The following PER3 variants were observed in gnomAD, a reference collection of about 807,000 sequenced individuals.
The protein encoded by PER3 is period circadian protein homolog 3.
PER3 carries 107 observed loss-of-function variants against 127.2 expected under a neutral mutation model. The ratio of observed to expected loss-of-function variants is 0.84; its 90% CI spans 0.72 to 0.99. The LOEUF (loss-of-function observed/expected upper bound fraction) is 0.99. PER3 is among the 50% of genes least tolerant of loss of function. The pLI is 0.00. For missense variants in PER3, 1,560 were observed against 1,525.8 expected (o/e 1.02, Z -0.37); for synonymous variants, 618 against 585.8 (o/e 1.05, Z -0.79).
rs140055805 is a variant in PER3, at chr1:7,809,922, C to T, written c.1272C>T (p.Tyr424=). The T allele has an allele frequency of 9.9e-6, 16 of 1,613,972 alleles. No individual in the cohort carries two copies. The Middle Eastern group carries it at 6.6e-4, about 67-fold the overall frequency. ...QPVHVSVSSG[Y]GSLGSSGSQE... The stretch of plus-strand genomic sequence containing the variant: ...TTCACGTGAGCGTGTCCAGCGGCTA[C>T]GGGAGCCTGGGGAGCAGCGGGTCGC... Residue 424 remains tyrosine, a synonymous_variant, in exon 12 of 22, where the codon TAC becomes TAT. Coordinates refer to ENST00000377532, the MANE Select transcript of PER3 (RefSeq NM_001377275.1).
chr1:7,788,215 G>C lies in PER3; in HGVS notation c.561G>C (p.Gln187His). 6.2e-7 allele frequency: 1 copy of C among 1,614,042 alleles called. No individual in the cohort carries two copies. The highest frequency in any genetic ancestry group is 8.5e-7 in the Non-Finnish European group (1 of 1,179,928). Residue 187 changes from glutamine to histidine, a missense_variant, in exon 5 of 22, where the codon CAG (glutamine) becomes CAC (histidine). Gln to His is a conservative substitution (Grantham distance 24, BLOSUM62 0). Coordinates refer to ENST00000377532, the MANE Select transcript of PER3 (RefSeq NM_001377275.1). The part of the protein sequence containing the change: ...RVFYAHTARA[Q>H]LPFWNNWTQR... ...TCTACGCGCACACTGCCAGAGCTCA[G>C]CTTCCTTTCTGGAACAACTGGACCC...
At chr1:7,805,893 TA>T (rs35060725) in intron 10 of PER3, among the ~76,000 whole-genome samples, 1 of 152,190 alleles carries the variant, frequency 6.6e-6, no homozygotes, top group African/African-American at 2.4e-5. Context: ...TTCAGTATTT[TA>T]AAAAATTACA....
intron 19 of PER3, among the ~76,000 whole-genome samples, chr1:7,830,943 T>C (rs2097328781): frequency 6.6e-6 from 1 of 152,248 alleles, no homozygotes; most frequent in Non-Finnish European, 1.5e-5. Flanking sequence ...AAAATGATTT[T>C]GAATATTCTA....
chr1:7,820,186 C>T lies in PER3; in HGVS notation c.1730C>T (p.Ser577Phe). The change falls in exon 15 of 22, where the codon TCC (serine) becomes TTC (phenylalanine). Residue 577 changes from serine (S) to phenylalanine (F), a missense_variant. Transcript: ENST00000377532. ...TCCTGTACAAATACAACTTCTTCCT[C>T]CTCAGAAGAAGACAAACAGAACCAC... ...CISCTNTTSS[S>F]SEEDKQNHKA... 6.2e-7 allele frequency: 1 copy of T among 1,612,254 alleles called. No individual in the cohort carries two copies. The highest frequency in any genetic ancestry group is 8.5e-7 in the Non-Finnish European group (1 of 1,178,306).
At chr1:7,795,900 C>G (rs927887558) in intron 6 of PER3, among the ~76,000 whole-genome samples, 1 of 152,214 alleles carries the variant, frequency 6.6e-6, no homozygotes, top group East Asian at 1.9e-4. Flanking sequence ...TTCTTTAACC[C>G]CCTCTTCCCA....
At chr1:7,785,071 G>T in intron 2 of PER3, 66 bp downstream of exon 2, 1 of 1,509,108 alleles carries the variant, frequency 6.6e-7, no homozygotes, top group East Asian at 2.5e-5. Flanking sequence ...CAGGGAAAGG[G>T]GGACCTAAAT....
chr1:7,838,285 A>G (rs1247496902), intron 21 of PER3, among the ~76,000 whole-genome samples: 2 of 152,172 alleles, frequency 1.3e-5, no homozygotes, highest in Admixed American at 6.5e-5. Context: ...CACATTATGC[A>G]ACCATCACCA....
rs768315671 is a variant in PER3 at position 7,827,212 on chromosome 1, G to C, written c.2283G>C (p.Ser761=). The change falls in exon 18 of 22, where the codon TCG becomes TCC. Residue 761 remains serine, a synonymous_variant. Coordinates refer to ENST00000377532, the MANE Select transcript of PER3 (RefSeq NM_001377275.1). ...KLPEPPDSSS[S]NTGSGPRRGA... ...CGGAGCCGCCAGACAGCAGCAGCTC[G>C]AACACCGGCTCTGGTCCCCGCAGGG... is the stretch of plus-strand genomic sequence containing the variant. 2 of 1,613,768 alleles carry C rather than the reference G, an allele frequency of 1.2e-6. No homozygotes were observed. The highest frequency in any genetic ancestry group is 2.7e-5 in the African/African-American group (2 of 74,934).
intron 19 of PER3, among the ~76,000 whole-genome samples, chr1:7,835,346 CAG>C (rs1300159460): frequency 6.6e-6 from 1 of 152,088 alleles, no homozygotes; most frequent in Non-Finnish European, 1.5e-5. Flanking sequence ...TATGAAAAGT[CAG>C]AGGGAAAAAG....
chr1:7,785,686 G>C lies in PER3; in HGVS notation c.274+100G>C, dbSNP rs147606938. On this transcript the variant is annotated intron_variant, in intron 3 of 21. Transcript: ENST00000377532. ...GGGGTCTCAGTCAGACAAATAATTTGAGCTTTTTCTGGTGCTTTGTGGAAG... is the reference window on the plus strand; with the variant it reads ...GGGGTCTCAGTCAGACAAATAATTTCAGCTTTTTCTGGTGCTTTGTGGAAG... 1,177 of 993,558 alleles carry C rather than the reference G, an allele frequency of 1.2e-3. 10 individuals carry two copies. In the African/African-American group the frequency reaches 0.017, roughly 15 times the overall value. The allele number at this position is 993,558 out of a possible 1,614,324, so 61.5% of individuals were successfully genotyped here. A position where few individuals can be genotyped will look rare whatever the true frequency, so the allele number is the denominator to read the frequency against.
chr1:7,795,509 G>A (rs1450924938), intron 6 of PER3, among the ~76,000 whole-genome samples: 2 of 152,192 alleles, frequency 1.3e-5, no homozygotes, highest in African/African-American at 2.4e-5. Context: ...CAGGGGGTGA[G>A]CCACACCGGT....
At chr1:7,823,595 T>C (rs1485286784) in intron 16 of PER3, among the ~76,000 whole-genome samples, 5 of 151,718 alleles carry the variant, frequency 3.3e-5, no homozygotes, top group African/African-American at 1.2e-4. Flanking sequence ...TGAGCCAAGA[T>C]TGCGCCATTG....
intron 4 of PER3, 137 bp from the exon 5 acceptor site, chr1:7,787,908 G>C: frequency 4.6e-6 from 3 of 649,390 alleles, no homozygotes; most frequent in Non-Finnish European, 8.2e-6. Flanking sequence ...TATTTGAGGA[G>C]TTTTGTTGCA....
In PER3 at chr1:7,843,778, G is replaced by A. The variant is rs12068394; in HGVS notation, c.*1023G>A. The A allele has an allele frequency of 0.012, 4,802 of 391,218 alleles. 236 individuals are homozygous for A. Among genetic ancestry groups the A allele is most frequent in the African/African-American group, 0.098 (4,488 of 45,598 alleles). 24.2% of individuals were successfully genotyped at this position (391,218 alleles called of 1,614,324 possible). On this transcript the variant is annotated 3_prime_UTR_variant, in exon 22 of 22. Coordinates refer to ENST00000377532, the MANE Select transcript of PER3 (RefSeq NM_001377275.1). ...CGTCCAGGCGAGCCCAGTTGTCCTC[G>A]CCCACAGGGTCCTGCAGGCTCCATC...
intron 13 of PER3, chr1:7,811,694 A>C (rs1299831782): frequency 6.6e-6 from 1 of 152,212 alleles, no homozygotes; most frequent in Non-Finnish European, 1.5e-5. Flanking sequence ...ATTCATGAGA[A>C]CAGAGTCCTC....
Position 7,827,638 on chromosome 1 carries a change from T to G in PER3, c.2709T>G (p.Pro903=), listed in dbSNP as rs1376932561. 1 of 1,614,088 alleles carries G rather than the reference T, an allele frequency of 6.2e-7. No individual in the cohort carries two copies. Among genetic ancestry groups the G allele is most frequent in the Admixed American group, 1.7e-5 (1 of 60,026 alleles). ...TGAGTCCAACTCTGGACCCACCCCC[T>G]TCAGTCACCAGCCAAAGGAGAGAGG... The part of the protein sequence containing the change: ...SAMSPTLDPP[P]SVTSQRREEE... Residue 903 remains proline (P), a synonymous_variant, in exon 18 of 22, where the codon CCT becomes CCG. Transcript: ENST00000377532.
intron 6 of PER3, among the ~76,000 whole-genome samples, chr1:7,797,589 T>A (rs1577685027): frequency 6.6e-6 from 1 of 151,374 alleles, no homozygotes; most frequent in Admixed American, 6.6e-5. Context: ...TGAGCCAAGA[T>A]TGTGCCATCG....
Position 7,843,827 on chromosome 1 carries a change from G to A in PER3, c.*1072G>A, listed in dbSNP as rs2097401367. ...TCAGTCACCGCTTTCTATGGCGTTT[G>A]TAGTTGTGTCTTTTAAGAAGTGAGT... On this transcript the variant is annotated 3_prime_UTR_variant, in exon 22 of 22. Coordinates refer to ENST00000377532, the MANE Select transcript of PER3 (RefSeq NM_001377275.1). 4 of 943,108 alleles carry A rather than the reference G, an allele frequency of 4.2e-6. No homozygotes were observed. The highest frequency in any genetic ancestry group is 4.2e-5 in the Admixed American group (1 of 23,814). The allele number at this position is 943,108 out of a possible 1,614,324, so 58.4% of individuals were successfully genotyped here.
chr1:7,797,531 A>T lies in PER3; in HGVS notation c.645-994A>T, dbSNP rs1224617472. Among the ~76,000 whole-genome samples the T allele has an allele frequency of 2.0e-5, 3 of 151,944 alleles. No individual in the cohort carries two copies. In the East Asian group the frequency reaches 5.8e-4, roughly 30 times the overall value. Reference sequence around the variant, plus strand: ...GCACCTGTAATCCCAGCTACTCGGGAGGCTGAGGCAGGAGAATCAGCTTGC... The same window carrying T: ...GCACCTGTAATCCCAGCTACTCGGGTGGCTGAGGCAGGAGAATCAGCTTGC... On this transcript the variant is annotated intron_variant, in intron 6 of 21. Coordinates refer to ENST00000377532, the MANE Select transcript of PER3 (RefSeq NM_001377275.1).
Sources: gnomAD v4.1 joint callset for allele counts (sites outside exome capture counted in the v4.1 genomes callset) on GRCh38, gnomAD v4.1.1 for gene constraint, MANE v1.5 for transcripts, NCBI Gene and HGNC (gene_info 2026-07-23, HGNC 2026-07-21) for gene names.